Variants in ARSF observed in about 807,000 individuals in gnomAD.
ARSF encodes the protein arylsulfatase F.
ARSF carries 33 observed loss-of-function variants against 35.4 expected under a neutral mutation model. The ratio of observed to expected loss-of-function variants is 0.93; its 90% CI spans 0.71 to 1.25. The LOEUF is 1.25. ARSF is among the 50% of genes most tolerant of loss of function. ARSF has a pLI of 0.00. For synonymous variants in ARSF, 222 were observed against 193.1 expected (o/e 1.15, Z -1.24); for missense variants, 501 against 480.2 (o/e 1.04, Z -0.40).
intron 1 of ARSF, among the ~76,000 whole-genome samples, chrX:3,057,326 C>G (rs1479979945): frequency 1.8e-5 from 2 of 112,019 alleles, no homozygotes; most frequent in African/African-American, 3.2e-5. Flanking sequence ...TCTGACATTA[C>G]TAGGACACTT....
In ARSF at chrX:3,084,273, C is replaced by T; in HGVS notation, c.437C>T (p.Ser146Phe). 1 of 1,211,459 alleles carries T rather than the reference C, an allele frequency of 8.3e-7. No individual in the cohort carries two copies. Among genetic ancestry groups the T allele is most frequent in the Middle Eastern group, 2.3e-4 (1 of 4,353 alleles). ...TGGCACCAAGGCTTGAACTGCGACT[C>T]CCGAAGTGACCAGTGCCACCATCCA... Reference protein sequence around the residue: ...GKWHQGLNCDSRSDQCHHPYN... With the variant: ...GKWHQGLNCDFRSDQCHHPYN... The change falls in exon 6 of 11, where the codon TCC (serine) becomes TTC (phenylalanine). Residue 146 changes from serine (S) to phenylalanine (F), a missense_variant. By Grantham distance (155) the Ser-to-Phe change is radical (BLOSUM62 -2). Transcript: ENST00000381127.
intron 5 of ARSF, among the ~76,000 whole-genome samples, chrX:3,082,056 T>C (rs2090205446): frequency 9.0e-6 from 1 of 111,483 alleles, no homozygotes; most frequent in Non-Finnish European, 1.9e-5. Context: ...CAGGCATTCT[T>C]GATGGGGCCC....
chrX:3,068,289 T>C (rs2090080513), intron 2 of ARSF, among the ~76,000 whole-genome samples, 178 bp downstream of exon 2: 1 of 112,153 alleles, frequency 8.9e-6, no homozygotes, highest in Admixed American at 9.5e-5. Context: ...TGGCTGGCCA[T>C]AAGATGTCTA....
At chrX:3,109,507 G>A (rs924977164) in intron 9 of ARSF, among the ~76,000 whole-genome samples, 1 of 110,937 alleles carries the variant, frequency 9.0e-6, no homozygotes, top group Non-Finnish European at 1.9e-5. Flanking sequence ...TATATTGTGT[G>A]ATGCTGAGGT....
intron 6 of ARSF, among the ~76,000 whole-genome samples, chrX:3,086,964 G>A (rs1366773633): frequency 3.6e-5 from 4 of 111,766 alleles, no homozygotes; most frequent in Non-Finnish European, 7.5e-5. Flanking sequence ...GGGGTTCTAG[G>A]GGAGAATCTG....
intron 7 of ARSF, among the ~76,000 whole-genome samples, chrX:3,091,116 T>C (rs1339134500): frequency 1.8e-5 from 2 of 111,519 alleles, no homozygotes; most frequent in African/African-American, 6.5e-5. Context: ...GGTTTTTCCA[T>C]GTTACCCAGG....
At chrX:3,078,492 TTTTG>T (rs1443836316) in intron 4 of ARSF, among the ~76,000 whole-genome samples, 4 of 110,959 alleles carry the variant, frequency 3.6e-5, no homozygotes, top group Non-Finnish European at 3.8e-5. Context: ...TGGTGACTTT[TTTTG>T]TTTGTTTGGT....
At chrX:3,077,371 G>A (rs767994964) in intron 4 of ARSF, among the ~76,000 whole-genome samples, 2 of 112,094 alleles carry the variant, frequency 1.8e-5, no homozygotes, top group African/African-American at 6.5e-5. Context: ...GGGCATGGTG[G>A]CTCATGCCTG....
intron 7 of ARSF, among the ~76,000 whole-genome samples, chrX:3,092,835 T>G (rs139485720): frequency 5.3e-5 from 6 of 112,259 alleles, no homozygotes; most frequent in Admixed American, 1.9e-4. Context: ...AAAAGTTGAT[T>G]TGTGGCCATT....
intron 9 of ARSF, among the ~76,000 whole-genome samples, chrX:3,107,886 T>C (rs1305419550): frequency 9.0e-6 from 1 of 111,612 alleles, no homozygotes; most frequent in East Asian, 2.8e-4. Context: ...TAAAAAAAAT[T>C]TTCTTATCAA....
chrX:3,055,786 G>C (rs1476060201), intron 1 of ARSF, among the ~76,000 whole-genome samples: 1 of 111,401 alleles, frequency 9.0e-6, no homozygotes, highest in African/African-American at 3.3e-5. Flanking sequence ...CAATAGCCCA[G>C]TGGCAAGCTG....
chrX:3,073,264 A>G (rs1487607225), intron 3 of ARSF, among the ~76,000 whole-genome samples: 2 of 100,674 alleles, frequency 2.0e-5, no homozygotes, highest in Non-Finnish European at 3.9e-5. Flanking sequence ...AATATTCATA[A>G]TAGGCTGTAT....
intron 1 of ARSF, among the ~76,000 whole-genome samples, chrX:3,053,143 C>A (rs1382596135): frequency 9.0e-6 from 1 of 110,803 alleles, no homozygotes; most frequent in Non-Finnish European, 1.9e-5. Flanking sequence ...ATATTAAATT[C>A]CAGGGAAGGG....
intron 1 of ARSF, among the ~76,000 whole-genome samples, chrX:3,042,644 C>A (rs886326886): frequency 9.2e-6 from 1 of 109,123 alleles, no homozygotes; most frequent in Non-Finnish European, 1.9e-5. Context: ...TTACAGGTGC[C>A]CACCACCATG....
intron 4 of ARSF, among the ~76,000 whole-genome samples, chrX:3,077,469 T>TCTCTA (rs1220736458): frequency 9.0e-6 from 1 of 110,695 alleles, no homozygotes; most frequent in Non-Finnish European, 1.9e-5. Context: ...TGAAAGCTCA[T>TCTCTA]CTCTACTAAA....
At chrX:3,082,466 CATCATCTATCT>C (rs1233011831) in intron 5 of ARSF, among the ~76,000 whole-genome samples, 10 of 111,355 alleles carry the variant, frequency 9.0e-5, no homozygotes, top group Admixed American at 7.7e-4. Context: ...TCTATCTACC[CATCATCTATCT>C]ATCATCTATA....
chrX:3,091,184 G>A (rs777304763), intron 7 of ARSF, among the ~76,000 whole-genome samples: 112 of 112,006 alleles, frequency 1.0e-3, no homozygotes, highest in South Asian at 2.2e-3. Flanking sequence ...CAAAGTGCTG[G>A]GATGACAGGC....
chrX:3,110,826 AG>A (rs2090440170), intron 10 of ARSF, among the ~76,000 whole-genome samples: 1 of 111,836 alleles, frequency 8.9e-6, no homozygotes. Context: ...TGAACCCAGG[AG>A]GCAGAGGTTG....
chrX:3,103,474 GT>G (rs1182403790), intron 8 of ARSF, among the ~76,000 whole-genome samples: 1 of 111,018 alleles, frequency 9.0e-6, no homozygotes, highest in Admixed American at 9.6e-5. Context: ...TGGAAATGAA[GT>G]AGGTGTATAT....
Sources: gnomAD v4.1 joint callset for allele counts (sites outside exome capture counted in the v4.1 genomes callset) on GRCh38, gnomAD v4.1.1 for gene constraint, MANE v1.5 for transcripts, NCBI Gene and HGNC (gene_info 2026-07-23, HGNC 2026-07-21) for gene names.